COL24A1: variants seen among roughly 807,000 people sequenced by gnomAD.
The protein encoded by COL24A1 is collagen type XXIV alpha 1 chain.
A neutral mutation model predicts 253.9 loss-of-function variants in COL24A1; 224 were observed. The observed-to-expected ratio is 0.88, with a 90% CI of 0.79 to 0.99. The LOEUF (loss-of-function observed/expected upper bound fraction) is 0.99. COL24A1 is among the 50% of genes least tolerant of loss of function. COL24A1 has a pLI of 0.00. For synonymous variants in COL24A1, 685 were observed against 673.7 expected, an observed-to-expected ratio of 1.02 and a Z score of -0.26; for missense variants, 2,131 against 2,068.5, an observed-to-expected ratio of 1.03 and a Z score of -0.59.
At chr1:86,135,753 T>A (rs944363406) in intron 2 of COL24A1, among the ~76,000 whole-genome samples, 2 of 152,106 alleles carry the variant, frequency 1.3e-5, no homozygotes, top group Non-Finnish European at 2.9e-5. Flanking sequence ...TTTCTTTGTG[T>A]AGGTGATAAG....
At chr1:86,139,046 C>T (rs1468632271) in intron 2 of COL24A1, among the ~76,000 whole-genome samples, 1 of 152,008 alleles carries the variant, frequency 6.6e-6, no homozygotes, top group African/African-American at 2.4e-5. Context: ...GTCTTCTAAG[C>T]TTACAAAGCT....
chr1:86,134,281 T>C (rs12119131), intron 2 of COL24A1, among the ~76,000 whole-genome samples: 95,546 of 149,048 alleles, frequency 0.64, 31,037 homozygotes, highest in Non-Finnish European at 0.7. Context: ...TCAATTTTGT[T>C]GATCTTTTCA....
intron 8 of COL24A1, among the ~76,000 whole-genome samples, chr1:86,060,476 TA>T (rs1171778037): frequency 8.5e-5 from 13 of 152,122 alleles, no homozygotes; most frequent in African/African-American, 2.9e-4. Context: ...ACAGATATGC[TA>T]AAACTTCTAA....
At chr1:85,889,707 C>G (rs1682903056) in intron 31 of COL24A1, 94 bp from the exon 32 acceptor site, 1 of 1,068,056 alleles carries the variant, frequency 9.4e-7, no homozygotes, top group African/African-American at 1.6e-5. Context: ...ATCCTTCCAC[C>G]CAACTTTTCT....
intron 7 of COL24A1, among the ~76,000 whole-genome samples, chr1:86,088,816 G>A (rs1703267109): frequency 6.6e-6 from 1 of 152,132 alleles, no homozygotes; most frequent in Non-Finnish European, 1.5e-5. Context: ...TCAGAAGTAG[G>A]TCATTTCCCT....
intron 24 of COL24A1, among the ~76,000 whole-genome samples, chr1:85,922,945 T>C (rs1686702257): frequency 1.3e-5 from 2 of 152,014 alleles, no homozygotes; most frequent in South Asian, 4.2e-4. Flanking sequence ...GAGATACACA[T>C]AGGCTCAAAA....
intron 43 of COL24A1, among the ~76,000 whole-genome samples, chr1:85,833,978 AG>A (rs565656188): frequency 1.3e-3 from 110 of 85,556 alleles, no homozygotes; most frequent in African/African-American, 4.4e-3. Flanking sequence ...GGGTGGGGGG[AG>A]GGGGAAGGGA....
intron 3 of COL24A1, among the ~76,000 whole-genome samples, chr1:86,116,466 C>A (rs1422582076): frequency 2.0e-5 from 3 of 152,014 alleles, no homozygotes; most frequent in African/African-American, 7.2e-5. Flanking sequence ...AGTTTTTTAA[C>A]CTACAATTTC....
At chr1:85,955,400 C>G (rs770442602) in intron 24 of COL24A1, among the ~76,000 whole-genome samples, 2 of 152,244 alleles carry the variant, frequency 1.3e-5, no homozygotes, top group East Asian at 1.9e-4. Flanking sequence ...ATACAGAAAG[C>G]CCTCTGTCTT....
In COL24A1 at chr1:85,822,999, T is replaced by C. The variant is rs149374046; in HGVS notation, c.3789+537A>G. The stretch of plus-strand genomic sequence containing the variant: ...ATTCACTCATACTCAATCTGCTCCT[T>C]TGTTATAAATTCCTACTTGCCCATG... On this transcript the variant is annotated intron_variant, in intron 45 of 59. Coordinates refer to ENST00000370571, the MANE Select transcript of COL24A1 (RefSeq NM_152890.7). 2.7e-3 allele frequency among the ~76,000 whole-genome samples: 405 copies of C among 152,290 alleles called. 1 individual carries two copies. The highest frequency in any genetic ancestry group is 8.2e-3 in the African/African-American group (339 of 41,568).
At chr1:85,731,935 A>T (rs899958376) in intron 59 of COL24A1, among the ~76,000 whole-genome samples, 3 of 152,194 alleles carry the variant, frequency 2.0e-5, no homozygotes, top group Middle Eastern at 3.2e-3. Context: ...CTTAAGCTGA[A>T]CACCCATACA....
At chr1:85,857,448 C>A (rs1308738143) in intron 37 of COL24A1, among the ~76,000 whole-genome samples, 3 of 128,752 alleles carry the variant, frequency 2.3e-5, no homozygotes, top group Admixed American at 8.2e-5. Context: ...AGCAAGGGAA[C>A]CCTCTTCTCC....
rs1448112659 is a variant in COL24A1 at position 85,895,886 on chromosome 1, G to T, written c.2894C>A (p.Pro965His). 1.2e-6 allele frequency: 2 copies of T among 1,609,106 alleles called. No homozygotes were observed. Among genetic ancestry groups the T allele is most frequent in the East Asian group, 2.2e-5 (1 of 44,742 alleles). Residue 965 changes from proline (P) to histidine (H), a missense_variant, in exon 31 of 60, where the codon CCT becomes CAT. Coordinates refer to ENST00000370571, the MANE Select transcript of COL24A1 (RefSeq NM_152890.7). ...TTTCCCTTGAAATCCTCTTTCTCCAGGGTTTCCAGTCTTACCCTACATGAG... is the reference window on the plus strand; with the variant it reads ...TTTCCCTTGAAATCCTCTTTCTCCATGGTTTCCAGTCTTACCCTACATGAG... ...PHGLIGKTGNPGERGFQGKPG... is the reference protein window; with the variant it reads ...PHGLIGKTGNHGERGFQGKPG...
At chr1:86,007,792 T>C (rs968182231) in intron 19 of COL24A1, among the ~76,000 whole-genome samples, 2 of 152,052 alleles carry the variant, frequency 1.3e-5, no homozygotes, top group Admixed American at 6.6e-5. Context: ...TCAGTGCCCA[T>C]AGGTTGCTGA....
chr1:85,748,799 C>T (rs1441140419), intron 55 of COL24A1, among the ~76,000 whole-genome samples: 1 of 92,750 alleles, frequency 1.1e-5, no homozygotes, highest in African/African-American at 3.9e-5. Context: ...CGGGTCACTC[C>T]CACCCGAATA....
chr1:85,985,752 CA>C (rs1236937787), intron 20 of COL24A1, among the ~76,000 whole-genome samples: 1 of 151,680 alleles, frequency 6.6e-6, no homozygotes. Context: ...ATTGAAGAGT[CA>C]GGGGAGGATT....
chr1:86,003,475 G>T (rs1375867058), intron 19 of COL24A1, among the ~76,000 whole-genome samples: 2 of 152,148 alleles, frequency 1.3e-5, no homozygotes, highest in Non-Finnish European at 2.9e-5. Context: ...AGGAATATGT[G>T]TTAGGGTGAG....
chr1:85,935,284 G>A (rs759281542), intron 24 of COL24A1, among the ~76,000 whole-genome samples: 3 of 139,126 alleles, frequency 2.2e-5, no homozygotes, highest in Non-Finnish European at 1.6e-5. Context: ...GAGTTGGTTC[G>A]GAAAAAGAAA....
chr1:86,015,885 T>TTCC (rs1458317281), intron 19 of COL24A1, among the ~76,000 whole-genome samples: 1 of 69,582 alleles, frequency 1.4e-5, no homozygotes. Context: ...TACTTTTTCT[T>TTCC]TTTTTTTTTT....
Sources: gnomAD v4.1 joint callset for allele counts (sites outside exome capture counted in the v4.1 genomes callset) on GRCh38, gnomAD v4.1.1 for gene constraint, MANE v1.5 for transcripts, NCBI Gene and HGNC (gene_info 2026-07-23, HGNC 2026-07-21) for gene names.